ENOSF1: variants seen among roughly 807,000 people sequenced by gnomAD.
The protein encoded by ENOSF1 is enolase superfamily member 1.
Under a neutral mutation model 68.2 loss-of-function variants are expected in ENOSF1, and 73 were observed. That is an observed-to-expected ratio of 1.07 (90% CI 0.89 to 1.30). ENOSF1 has a LOEUF of 1.30. ENOSF1 is among the 50% of genes most tolerant of loss of function. The probability of loss-of-function intolerance (pLI) is 0.00; values close to 1 mark genes in which losing one functional copy is unlikely to be tolerated. For missense variants in ENOSF1, 589 were observed against 554.5 expected, an observed-to-expected ratio of 1.06 and a Z score of -0.62; for synonymous variants, 223 against 210.4, an observed-to-expected ratio of 1.06 and a Z score of -0.52.
At chr18:679,034 G>T (rs2075801007) in intron 11 of ENOSF1, among the ~76,000 whole-genome samples, 1 of 152,118 alleles carries the variant, frequency 6.6e-6, no homozygotes, top group African/African-American at 2.4e-5. Flanking sequence ...TCCCAACGTG[G>T]ACAGCACCTC....
chr18:669,023 ATG>A (rs1567992114), downstream of ENOSF1: 5 of 1,492,774 alleles, frequency 3.3e-6, no homozygotes, highest in Admixed American at 6.7e-5. Flanking sequence ...ATCTCATGAC[ATG>A]TGTGATTAAT....
At chr18:690,230 T>C (rs2606252) in intron 8 of ENOSF1, among the ~76,000 whole-genome samples, 1 of 151,562 alleles carries the variant, frequency 6.6e-6, no homozygotes, top group South Asian at 2.1e-4. Context: ...ACCTCTAATC[T>C]GAGGCAAAGC....
intron 4 of ENOSF1, among the ~76,000 whole-genome samples, 153 bp downstream of exon 4, chr18:694,095 C>T (rs1044340654): frequency 2.0e-5 from 3 of 152,194 alleles, no homozygotes; most frequent in African/African-American, 4.8e-5. Flanking sequence ...TCCCTACCTA[C>T]TGCCAAAACC....
At position 672,964 on chromosome 18, in the gene ENOSF1, G is replaced by T. The variant is rs369944864; in HGVS notation, c.*1341C>A. ...ACTTTCAGATTGAAGGGTACAATCC[G>T]CATCCAACTATTAAAATGGAAATGG... On this transcript the variant is annotated 3_prime_UTR_variant, in exon 16 of 16. Coordinates refer to ENST00000647584, the MANE Select transcript of ENOSF1 (RefSeq NM_017512.7). 4 of 1,574,362 alleles carry T rather than the reference G, an allele frequency of 2.5e-6. No individual in the cohort carries two copies. Among genetic ancestry groups the T allele is most frequent in the South Asian group, 2.3e-5 (2 of 86,694 alleles).
intron 1 of ENOSF1, among the ~76,000 whole-genome samples, chr18:711,462 T>C (rs73368401): frequency 0.029 from 4,385 of 152,202 alleles, 245 homozygotes; most frequent in African/African-American, 0.1. Flanking sequence ...TTTCCTAACA[T>C]TGCCGTTCCT....
chr18:674,176 G>A lies in ENOSF1; in HGVS notation c.*129C>T, dbSNP rs147941447. ...TAATAATTACTTAGCTGATTCCTGAGGGTGGTATGACTTCTAGCTGAACTC... is the reference window on the plus strand; with the variant it reads ...TAATAATTACTTAGCTGATTCCTGAAGGTGGTATGACTTCTAGCTGAACTC... On this transcript the variant is annotated 3_prime_UTR_variant, in exon 16 of 16. Transcript: ENST00000647584. The A allele has an allele frequency of 1.1e-5, 7 of 650,892 alleles. No homozygotes were observed. The East Asian group carries it at 1.9e-4, about 18-fold the overall frequency. The allele number at this position is 650,892 out of a possible 1,614,324, so 40.3% of individuals were successfully genotyped here. A position where few individuals can be genotyped will look rare whatever the true frequency, so the allele number is the denominator to read the frequency against.
Position 691,277 on chromosome 18 carries a change from C to A in ENOSF1, c.424-1G>T. 1 of 1,613,306 alleles carries A rather than the reference C, an allele frequency of 6.2e-7. No homozygotes were observed. The highest frequency in any genetic ancestry group is 1.7e-5 in the Admixed American group (1 of 59,938). On this transcript the variant is annotated splice_acceptor_variant, in intron 5 of 15. Coordinates refer to ENST00000647584, the MANE Select transcript of ENOSF1 (RefSeq NM_017512.7). LOFTEE classifies it high-confidence loss of function. ...TGCAGGATACCAGCATCCTGGGATC[C>A]TGGCAACGTGACAGGAGGGGAAGAG...
Position 673,173 on chromosome 18 carries a change from C to T in ENOSF1, c.*1132G>A. ...ACTGGCAAATGTAACTGTGCCAGTT[C>T]TTTCCATAATAAAAGGCTTTGAGTT... On this transcript the variant is annotated 3_prime_UTR_variant, in exon 16 of 16. Coordinates refer to ENST00000647584, the MANE Select transcript of ENOSF1 (RefSeq NM_017512.7). 1 of 598,822 alleles carries T rather than the reference C, an allele frequency of 1.7e-6. No individual in the cohort carries two copies. The highest frequency in any genetic ancestry group is 2.6e-6 in the Non-Finnish European group (1 of 378,608). 37.1% of individuals were successfully genotyped at this position (598,822 alleles called of 1,614,324 possible).
intron 8 of ENOSF1, among the ~76,000 whole-genome samples, chr18:690,078 C>T (rs1445253411): frequency 6.6e-6 from 1 of 152,094 alleles, no homozygotes; most frequent in Non-Finnish European, 1.5e-5. Flanking sequence ...ACCCCCTCCT[C>T]ACACCTTGCC....
At chr18:705,352 T>C (rs1385107448) in intron 2 of ENOSF1, among the ~76,000 whole-genome samples, 1 of 151,996 alleles carries the variant, frequency 6.6e-6, no homozygotes, top group Non-Finnish European at 1.5e-5. Flanking sequence ...TTTTGTACCA[T>C]GTGTAAGTAT....
At chr18:687,271 G>T (rs1052506863) in intron 9 of ENOSF1, 1 of 152,238 alleles carries the variant, frequency 6.6e-6, no homozygotes, top group Non-Finnish European at 1.5e-5. Flanking sequence ...TCTTTCCGCG[G>T]CTTCATGCTG....
the ENOSF1 span, among the ~76,000 whole-genome samples, chr18:664,683 A>T: frequency 6.7e-6 from 1 of 149,290 alleles, no homozygotes; most frequent in African/African-American, 2.5e-5. Context: ...TTATTTTGAA[A>T]TATGTCCCAT....
chr18:712,286 T>G, intron 1 of ENOSF1: 2 of 1,529,308 alleles, frequency 1.3e-6, no homozygotes, highest in Admixed American at 2.0e-5. Flanking sequence ...GGGTTCGAAG[T>G]CGGGAAGCTG....
At chr18:666,334 A>C (rs1428955848), downstream of ENOSF1, among the ~76,000 whole-genome samples, 1 of 152,020 alleles carries the variant, frequency 6.6e-6, no homozygotes, top group Non-Finnish European at 1.5e-5. Flanking sequence ...AGGCTGAGCC[A>C]CAGCGTGCTG....
At chr18:666,071 G>T (rs1326310588), downstream of ENOSF1, among the ~76,000 whole-genome samples, 2 of 98,952 alleles carry the variant, frequency 2.0e-5, 1 homozygote, top group Non-Finnish European at 3.8e-5. Flanking sequence ...GGGTATCCTT[G>T]TTAACTTTCT....
chr18:693,981 T>C, intron 4 of ENOSF1, 73 bp from the exon 5 acceptor site: 1 of 1,469,854 alleles, frequency 6.8e-7, no homozygotes, highest in Non-Finnish European at 9.2e-7. Flanking sequence ...GTAAACGCGT[T>C]GGCAGCTCTA....
At chr18:699,157 G>C (rs2078057215) in intron 2 of ENOSF1, among the ~76,000 whole-genome samples, 1 of 152,088 alleles carries the variant, frequency 6.6e-6, no homozygotes, top group African/African-American at 2.4e-5. Context: ...ACCATGTCCT[G>C]TGGTATTTTA....
the ENOSF1 span, among the ~76,000 whole-genome samples, chr18:664,772 T>C: frequency 6.6e-6 from 1 of 150,528 alleles, no homozygotes; most frequent in Non-Finnish European, 1.5e-5. Flanking sequence ...TCTATTGAGA[T>C]AATCATGTGG....
At chr18:691,021 T>C (rs370850726) in intron 7 of ENOSF1, 47 bp downstream of exon 7, 3 of 1,604,386 alleles carry the variant, frequency 1.9e-6, no homozygotes, top group African/African-American at 2.7e-5. Flanking sequence ...CACTCAAAAG[T>C]GGACAATGTT....
Sources: gnomAD v4.1 joint callset for allele counts (sites outside exome capture counted in the v4.1 genomes callset) on GRCh38, gnomAD v4.1.1 for gene constraint, MANE v1.5 for transcripts, NCBI Gene and HGNC (gene_info 2026-07-23, HGNC 2026-07-21) for gene names.